Variants in ZNF600 observed in about 807,000 individuals in gnomAD.
ZNF600 encodes zinc finger protein 600.
A neutral mutation model predicts 7.3 loss-of-function variants in ZNF600; 4 were observed. The ratio of observed to expected loss-of-function variants is 0.55; its 90% CI spans 0.27 to 1.25. The LOEUF is 1.25. Ranked by LOEUF, ZNF600 falls within the 50% of genes most tolerant of loss-of-function variation. The probability of loss-of-function intolerance (pLI) is 0.12; values close to 1 mark genes in which losing one functional copy is unlikely to be tolerated. For synonymous variants in ZNF600, 290 were observed against 308.9 expected, an observed-to-expected ratio of 0.94 and a Z score of 0.64; for missense variants, 911 against 922.1, an observed-to-expected ratio of 0.99 and a Z score of 0.16.
At chr19:52,824,181 CAAAA>C in the ZNF600 span, among the ~76,000 whole-genome samples, 1 of 151,244 alleles carries the variant, frequency 6.6e-6, no homozygotes, top group African/African-American at 2.4e-5. Flanking sequence ...AAACAAAAAA[CAAAA>C]AAAACACATT....
chr19:52,817,891 C>T, the ZNF600 span: 1 of 1,608,506 alleles, frequency 6.2e-7, no homozygotes, highest in Admixed American at 1.7e-5. Flanking sequence ...CTCCAAGGCC[C>T]AGCGTTTCTG....
chr19:52,800,881 T>C, the ZNF600 span: 14 of 1,613,916 alleles, frequency 8.7e-6, no homozygotes, highest in Non-Finnish European at 1.2e-5. Flanking sequence ...TTCCCTCCAG[T>C]ATAAATTATC....
At chr19:52,815,485 C>G in the ZNF600 span, among the ~76,000 whole-genome samples, 9 of 145,108 alleles carry the variant, frequency 6.2e-5, no homozygotes, top group East Asian at 6.0e-4. Flanking sequence ...CCATAATACT[C>G]CAGTCTGGGC....
chr19:52,768,381 G>A (rs370126468), intron 3 of ZNF600, among the ~76,000 whole-genome samples: 54 of 150,398 alleles, frequency 3.6e-4, no homozygotes, highest in East Asian at 1.4e-3. Flanking sequence ...CAGAGGTTGC[G>A]GTGAGGCAAG....
At chr19:52,804,342 C>A in the ZNF600 span, among the ~76,000 whole-genome samples, 1 of 152,136 alleles carries the variant, frequency 6.6e-6, no homozygotes, top group Admixed American at 6.6e-5. Context: ...ATCACCCAGG[C>A]TGGAGTGTAG....
the ZNF600 span, among the ~76,000 whole-genome samples, chr19:52,793,018 G>C: frequency 6.6e-6 from 1 of 151,906 alleles, no homozygotes; most frequent in Non-Finnish European, 1.5e-5. Flanking sequence ...TTACAGGCGT[G>C]AGCCACTGCA....
intron 2 of ZNF600, among the ~76,000 whole-genome samples, chr19:52,777,937 G>C (rs1319889857): frequency 6.6e-6 from 1 of 152,108 alleles, no homozygotes; most frequent in Non-Finnish European, 1.5e-5. Flanking sequence ...GTTGAGCTCA[G>C]GAGTTTGAGG....
exon 4 of ZNF600, chr19:52,766,631 G>C: frequency 1.2e-6 from 2 of 1,614,020 alleles, no homozygotes; most frequent in South Asian, 2.2e-5. Flanking sequence ...GTCTATGATG[G>C]CATACAAGGG....
the ZNF600 span, chr19:52,805,273 G>GAAAAAAAAA: frequency 7.3e-6 from 1 of 137,830 alleles, no homozygotes; most frequent in Non-Finnish European, 1.6e-5. Flanking sequence ...CTGTCTCAAA[G>GAAAAAAAAA]AAAAAAAAAA....
chr19:52,778,765 C>A, intron 2 of ZNF600, 61 bp downstream of exon 4: 1 of 1,556,692 alleles, frequency 6.4e-7, no homozygotes, highest in Non-Finnish European at 8.6e-7. Context: ...CTGGCTGCTA[C>A]AATACCTGGC....
chr19:52,776,262 C>G (rs2062674464), intron 2 of ZNF600, among the ~76,000 whole-genome samples: 1 of 151,726 alleles, frequency 6.6e-6, no homozygotes, highest in Non-Finnish European at 1.5e-5. Flanking sequence ...AATATAAACG[C>G]TGAAGTAACA....
intron 3 of ZNF600, among the ~76,000 whole-genome samples, chr19:52,772,243 G>A (rs1339377767): frequency 2.0e-5 from 3 of 152,102 alleles, no homozygotes; most frequent in Non-Finnish European, 4.4e-5. Context: ...AGGAAGTGGA[G>A]GTTGCGGTGA....
At chr19:52,779,522 C>T (rs2062703790) in intron 1 of ZNF600, among the ~76,000 whole-genome samples, 1 of 152,116 alleles carries the variant, frequency 6.6e-6, no homozygotes, top group Non-Finnish European at 1.5e-5. Context: ...GAGTGGATGA[C>T]AAAGGCACAA....
At chr19:52,815,043 G>A in the ZNF600 span, among the ~76,000 whole-genome samples, 4 of 143,844 alleles carry the variant, frequency 2.8e-5, no homozygotes, top group East Asian at 8.0e-4. Context: ...AAGTATACAT[G>A]TGTGTATATA....
chr19:52,830,259 C>T, the ZNF600 span, among the ~76,000 whole-genome samples: 1 of 151,900 alleles, frequency 6.6e-6, no homozygotes, highest in Non-Finnish European at 1.5e-5. Context: ...GCAACAAGAG[C>T]GAAACTCCAT....
At chr19:52,809,519 T>C in the ZNF600 span, among the ~76,000 whole-genome samples, 1 of 152,254 alleles carries the variant, frequency 6.6e-6, no homozygotes, top group East Asian at 1.9e-4. Flanking sequence ...AAAACATAAC[T>C]ATTATGGGCC....
the ZNF600 span, among the ~76,000 whole-genome samples, chr19:52,830,172 C>T: frequency 2.0e-5 from 3 of 152,056 alleles, no homozygotes; most frequent in African/African-American, 7.2e-5. Flanking sequence ...ACTTGGGAGC[C>T]TCAGGCAGGA....
chr19:52,789,098 GA>G (rs1281133821), upstream of ZNF600, among the ~76,000 whole-genome samples: 1 of 152,172 alleles, frequency 6.6e-6, no homozygotes, highest in Non-Finnish European at 1.5e-5. Flanking sequence ...TCAAATGGGG[GA>G]CTGTGGGAGA....
chr19:52,791,026 G>A (rs989313886), upstream of ZNF600, among the ~76,000 whole-genome samples: 1 of 152,180 alleles, frequency 6.6e-6, no homozygotes, highest in Admixed American at 6.5e-5. Flanking sequence ...TCAGAGACAT[G>A]TTGATCTACT....
Sources: allele counts gnomAD v4.1 joint callset (sites outside exome capture counted in the v4.1 genomes callset), GRCh38; gene constraint gnomAD v4.1.1; transcripts MANE v1.5; gene names NCBI Gene and HGNC (gene_info 2026-07-23, HGNC 2026-07-21).